Variants in ABCG1 observed in about 807,000 individuals in gnomAD.
The protein encoded by ABCG1 is ATP binding cassette subfamily G member 1.
A neutral mutation model predicts 69.2 loss-of-function variants in ABCG1; 29 were observed. The observed-to-expected ratio is 0.42, with a 90% CI of 0.31 to 0.57. The LOEUF (loss-of-function observed/expected upper bound fraction) is 0.57. Among genes scored for constraint, ABCG1 ranks in the 20% least tolerant of loss-of-function variants. The pLI is 0.15. For synonymous variants in ABCG1, 370 were observed against 374.8 expected (o/e 0.99, Z 0.15); for missense variants, 718 against 898.1 (o/e 0.80, Z 2.56).
chr21:42,269,842 A>C (rs1343265322), intron 2 of ABCG1, among the ~76,000 whole-genome samples: 1 of 152,188 alleles, frequency 6.6e-6, no homozygotes, highest in Non-Finnish European at 1.5e-5. Flanking sequence ...GAAAGTCTAA[A>C]ACACGGGACT....
chr21:42,264,582 CAGG>C (rs373393082), intron 2 of ABCG1, among the ~76,000 whole-genome samples: 15,831 of 152,024 alleles, frequency 0.1, 2,693 homozygotes, highest in African/African-American at 0.36. Context: ...TACACTGGGC[CAGG>C]GCCGAATGTT....
intron 5 of ABCG1, among the ~76,000 whole-genome samples, chr21:42,277,187 G>A (rs1306632734): frequency 6.6e-6 from 1 of 152,212 alleles, no homozygotes; most frequent in Non-Finnish European, 1.5e-5. Context: ...GAGTCGGAAT[G>A]TAATGTGAGG....
rs2068722628 is a variant in ABCG1 at position 42,276,937 on chromosome 21, AG to A, written c.583del (p.Glu195LysfsTer7). ...LKLQEKDEGR[R>X]EMVKEILTAL... ...GCTTCAGGAGAAGGATGAAGGCAGA[AG>A]GGAAATGGTAAGTGGGTTGTTTGGT... On this transcript the variant is annotated frameshift_variant, in exon 5 of 15. Transcript: ENST00000398449. LOFTEE classifies it high-confidence loss of function. This position sits in a 1 kb window ranked among gnomAD's most constrained non-coding sequence, Gnocchi z 5.3. The A allele has an allele frequency of 6.2e-7, 1 of 1,614,116 alleles. No homozygotes were observed. Among genetic ancestry groups the A allele is most frequent in the South Asian group, 1.1e-5 (1 of 91,088 alleles).
chr21:42,244,110 C>T (rs567935083), intron 2 of ABCG1, among the ~76,000 whole-genome samples: 2 of 152,294 alleles, frequency 1.3e-5, no homozygotes, highest in East Asian at 1.9e-4. Flanking sequence ...TGAGCCCCCA[C>T]GCCCGGCCTA....
At chr21:42,277,005 G>T in intron 5 of ABCG1, 60 bp downstream of exon 5, 1 of 1,576,732 alleles carries the variant, frequency 6.3e-7, no homozygotes. Context: ...GCATGTGGAA[G>T]GTGTGCCTGC....
At chr21:42,236,190 G>A (rs146586468) in intron 2 of ABCG1, among the ~76,000 whole-genome samples, 12 of 152,332 alleles carry the variant, frequency 7.9e-5, no homozygotes, top group East Asian at 3.9e-4. Context: ...CCGCTAAGCC[G>A]GCTGGAATCC....
chr21:42,251,700 C>G (rs996040428), intron 2 of ABCG1, among the ~76,000 whole-genome samples: 1 of 152,170 alleles, frequency 6.6e-6, no homozygotes, highest in African/African-American at 2.4e-5. Context: ...GGCCTTGAAC[C>G]CCAGGCCTAG....
chr21:42,296,451 A>G lies in ABCG1; in HGVS notation c.*59A>G, dbSNP rs2069212929. 6.8e-7 allele frequency: 1 copy of G among 1,480,500 alleles called. No homozygotes were observed. Among genetic ancestry groups the G allele is most frequent in the South Asian group, 1.1e-5 (1 of 87,078 alleles). The allele number at this position is 1,480,500 out of a possible 1,614,324, so 91.7% of individuals were successfully genotyped here. A position where few individuals can be genotyped will look rare whatever the true frequency, so the allele number is the denominator to read the frequency against. ...CACTGTGGCCGAGGGCACGTCTAGA[A>G]TCGAGGAGGCAAGCCTGTGCCCGAC... On this transcript the variant is annotated 3_prime_UTR_variant, in exon 15 of 15. Transcript: ENST00000398449. The surrounding 1 kb of genome is among the most constrained non-coding windows in gnomAD (Gnocchi z 5.4).
At chr21:42,229,809 G>C (rs1002951495) in intron 2 of ABCG1, among the ~76,000 whole-genome samples, 1 of 152,168 alleles carries the variant, frequency 6.6e-6, no homozygotes, top group East Asian at 1.9e-4. Context: ...GAGCTCGGGC[G>C]CAGAGCTGAT....
rs202066120 is a variant in ABCG1 at position 42,284,536 on chromosome 21, C to T, written c.735-24C>T. 21 of 1,610,594 alleles carry T rather than the reference C, an allele frequency of 1.3e-5. No individual in the cohort carries two copies. In the East Asian group the frequency reaches 4.5e-4, roughly 34 times the overall value. On this transcript the variant is annotated intron_variant, in intron 6 of 14. Coordinates refer to ENST00000398449, the MANE Select transcript of ABCG1 (RefSeq NM_016818.3). Reference sequence around the variant, plus strand: ...GCTAGTTCCTGCCGCCCGCAGGCGTCTCACGGTGCCTCTTGACTTGCAGCG... The same window carrying T: ...GCTAGTTCCTGCCGCCCGCAGGCGTTTCACGGTGCCTCTTGACTTGCAGCG...
rs377507893 is a variant in ABCG1, at chr21:42,273,861, G to A, written c.537+426G>A. Among the ~76,000 whole-genome samples the A allele has an allele frequency of 1.1e-3, 167 of 152,246 alleles. No individual in the cohort carries two copies. The highest frequency in any genetic ancestry group is 3.3e-3 in the South Asian group (16 of 4,824). ...TGGTGCCTTGGTCAGGATACCAAGG[G>A]TCTATTCCTCTGACTCACCTGCCTC... On this transcript the variant is annotated intron_variant, in intron 4 of 14. Coordinates refer to ENST00000398449, the MANE Select transcript of ABCG1 (RefSeq NM_016818.3). This position sits in a 1 kb window ranked among gnomAD's most constrained non-coding sequence, Gnocchi z 5.3.
At chr21:42,224,224 T>C (rs2067777327) in intron 1 of ABCG1, among the ~76,000 whole-genome samples, 1 of 152,156 alleles carries the variant, frequency 6.6e-6, no homozygotes, top group Non-Finnish European at 1.5e-5. Flanking sequence ...TTTGGTGTTT[T>C]TGGGGCTCTT....
rs192291888 is a variant in ABCG1, at chr21:42,230,081, G to A, written c.286+4167G>A. Among the ~76,000 whole-genome samples the A allele has an allele frequency of 2.6e-3, 391 of 152,324 alleles. 4 individuals carry two copies. Among genetic ancestry groups the A allele is most frequent in the South Asian group, 0.013 (62 of 4,824 alleles). ...ACAATCCTTACAAGAAAGGCGATGCGGGAAACAGTAGCGGCATTTTTAAGA... is the reference window on the plus strand; with the variant it reads ...ACAATCCTTACAAGAAAGGCGATGCAGGAAACAGTAGCGGCATTTTTAAGA... On this transcript the variant is annotated intron_variant, in intron 2 of 14. Coordinates refer to ENST00000398449, the MANE Select transcript of ABCG1 (RefSeq NM_016818.3).
intron 2 of ABCG1, among the ~76,000 whole-genome samples, chr21:42,210,481 G>C (rs377374867): frequency 6.6e-6 from 1 of 152,166 alleles, no homozygotes; most frequent in Non-Finnish European, 1.5e-5. Context: ...AACTTTGAAG[G>C]TCATCTTGGG....
rs1223286613 is a variant in ABCG1, at chr21:42,286,247, A to G, written c.973+253A>G. 7 of 431,364 alleles carry G rather than the reference A, an allele frequency of 1.6e-5. 1 individual carries two copies. The highest frequency in any genetic ancestry group is 2.9e-5 in the Non-Finnish European group (7 of 238,150). 26.7% of individuals were successfully genotyped at this position (431,364 alleles called of 1,614,324 possible). On this transcript the variant is annotated intron_variant, in intron 8 of 14. Transcript: ENST00000398449. ...GTCCTAATCACCTCCTCTCCTGAGG[A>G]CAGCAGTCATTGGATTCAGGGCCCA...
intron 2 of ABCG1, among the ~76,000 whole-genome samples, chr21:42,229,302 T>A (rs2067866667): frequency 6.6e-6 from 1 of 152,258 alleles, no homozygotes; most frequent in Non-Finnish European, 1.5e-5. Context: ...TCAAGTCCAT[T>A]GTTTTCAACT....
intron 2 of ABCG1, among the ~76,000 whole-genome samples, chr21:42,242,762 C>T (rs113405867): frequency 3.2e-4 from 49 of 152,220 alleles, no homozygotes; most frequent in Admixed American, 5.9e-4. Flanking sequence ...TGAACCATAT[C>T]GTTGTTTGTT....
chr21:42,272,371 G>A (rs1470129135), intron 3 of ABCG1, among the ~76,000 whole-genome samples: 1 of 152,224 alleles, frequency 6.6e-6, no homozygotes, highest in African/African-American at 2.4e-5. Context: ...ACTCAGGATG[G>A]GGCCTTCAGA....
At chr21:42,247,956 G>C (rs966769110) in intron 2 of ABCG1, among the ~76,000 whole-genome samples, 1 of 152,124 alleles carries the variant, frequency 6.6e-6, no homozygotes, top group Non-Finnish European at 1.5e-5. Context: ...GTGGCATCGC[G>C]GACATCTCGA....
Sources: allele counts gnomAD v4.1 joint callset (sites outside exome capture counted in the v4.1 genomes callset), GRCh38; gene constraint gnomAD v4.1.1; non-coding constraint Gnocchi (gnomAD v3.1); transcripts MANE v1.5; gene names NCBI Gene and HGNC (gene_info 2026-07-23, HGNC 2026-07-21).